Variants in GPR149 observed in about 807,000 individuals in gnomAD.
GPR149 encodes the protein G protein-coupled receptor 149.
A neutral mutation model predicts 50.2 loss-of-function variants in GPR149; 50 were observed. The ratio of observed to expected loss-of-function variants is 1.00; its 90% CI spans 0.79 to 1.26. The LOEUF (loss-of-function observed/expected upper bound fraction) is 1.26. GPR149 is among the 50% of genes most tolerant of loss of function. The probability of loss-of-function intolerance (pLI) is 0.00; values close to 1 mark genes in which losing one functional copy is unlikely to be tolerated. For synonymous variants in GPR149, 405 were observed against 358.2 expected (o/e 1.13, Z -1.48); for missense variants, 983 against 895.4 (o/e 1.10, Z -1.25).
intron 3 of GPR149, among the ~76,000 whole-genome samples, chr3:154,417,459 C>T (rs1183352811): frequency 6.6e-6 from 1 of 151,908 alleles, no homozygotes; most frequent in East Asian, 1.9e-4. Context: ...TTAACATAAA[C>T]TTTAATTAAA....
At chr3:154,384,106 A>G (rs1401078184) in intron 3 of GPR149, among the ~76,000 whole-genome samples, 4 of 152,194 alleles carry the variant, frequency 2.6e-5, no homozygotes, top group African/African-American at 7.2e-5. Context: ...AAATTTACAT[A>G]CAAGATACTG....
Position 154,428,951 on chromosome 3 carries a change from G to A in GPR149, c.665C>T (p.Pro222Leu). The A allele has an allele frequency of 8.1e-6, 13 of 1,613,916 alleles. 1 individual carries two copies. In the South Asian group the frequency reaches 1.4e-4, roughly 18 times the overall value. ...CTGGTAGTTGGAGTGGAGTCTCGGC[G>A]GCTCCTCCGAACACAGCAATCGGTG... is the stretch of plus-strand genomic sequence containing the variant. ...LTHRLLCSEEPPRLHSNYQEI... is the reference protein window; with the variant it reads ...LTHRLLCSEELPRLHSNYQEI... Residue 222 changes from proline (P) to leucine (L), a missense_variant, in exon 1 of 4, where the codon CCG becomes CTG. Physicochemically the swap from Pro to Leu is moderately conservative, Grantham distance 98. Coordinates refer to ENST00000389740, the MANE Select transcript of GPR149 (RefSeq NM_001038705.3).
intron 3 of GPR149, among the ~76,000 whole-genome samples, chr3:154,411,557 G>A (rs569149808): frequency 3.3e-5 from 5 of 152,074 alleles, no homozygotes; most frequent in African/African-American, 1.2e-4. Context: ...ATTATTCAAG[G>A]CTACTGTGAA....
rs1035549641 is a variant in GPR149, at chr3:154,429,105, C to G, written c.511G>C (p.Gly171Arg). 4.8e-5 allele frequency: 77 copies of G among 1,613,554 alleles called. No homozygotes were observed. Among genetic ancestry groups the G allele is most frequent in the Non-Finnish European group, 6.2e-5 (73 of 1,179,936 alleles). The change falls in exon 1 of 4, where the codon GGC (glycine) becomes CGC (arginine). Residue 171 changes from glycine (G) to arginine (R), a missense_variant. Gly to Arg is a moderately radical substitution (Grantham distance 125). Transcript: ENST00000389740. Reference sequence around the variant, plus strand: ...GGCGTGCGCACGAAGGCGCCCCAGCCGCACAGCGGGAGCGCCGAGAGCAGC... The same window carrying G: ...GGCGTGCGCACGAAGGCGCCCCAGCGGCACAGCGGGAGCGCCGAGAGCAGC... ...SLLLSALPLC[G>R]WGAFVRTPWG...
At chr3:154,422,483 C>T (rs1259260879) in intron 2 of GPR149, among the ~76,000 whole-genome samples, 2 of 151,588 alleles carry the variant, frequency 1.3e-5, no homozygotes, top group African/African-American at 2.4e-5. Context: ...GTGTTTTATA[C>T]TGAGACATTT....
At chr3:154,382,794 A>G (rs1007776287) in intron 3 of GPR149, among the ~76,000 whole-genome samples, 25 of 152,198 alleles carry the variant, frequency 1.6e-4, no homozygotes, top group Admixed American at 1.6e-3. Context: ...AATTTAATAT[A>G]CTCAAATTAA....
At chr3:154,345,506 G>A (rs541512012) in intron 3 of GPR149, among the ~76,000 whole-genome samples, 1 of 152,054 alleles carries the variant, frequency 6.6e-6, no homozygotes, top group Non-Finnish European at 1.5e-5. Flanking sequence ...ATCCATTATT[G>A]CTATATTCTT....
At chr3:154,390,852 G>A (rs547196004) in intron 3 of GPR149, among the ~76,000 whole-genome samples, 1 of 152,062 alleles carries the variant, frequency 6.6e-6, no homozygotes, top group African/African-American at 2.4e-5. Flanking sequence ...GGAAATCTCC[G>A]TGGGGTTATC....
intron 3 of GPR149, among the ~76,000 whole-genome samples, chr3:154,351,399 G>A (rs1042085897): frequency 8.7e-5 from 12 of 137,774 alleles, no homozygotes; most frequent in African/African-American, 2.7e-4. Flanking sequence ...AAAATGAATT[G>A]TAAACTTAAA....
chr3:154,368,058 G>T (rs952534570), intron 3 of GPR149, among the ~76,000 whole-genome samples: 2 of 152,192 alleles, frequency 1.3e-5, no homozygotes, highest in African/African-American at 2.4e-5. Context: ...TTTGGACCCA[G>T]TTCCTACTCT....
intron 3 of GPR149, among the ~76,000 whole-genome samples, chr3:154,397,143 T>C (rs548029557): frequency 5.3e-4 from 81 of 152,152 alleles, no homozygotes; most frequent in African/African-American, 1.4e-3. Context: ...TTGGGGAAAG[T>C]TGAGAGTCAA....
At chr3:154,374,169 CTT>C (rs3069044) in intron 3 of GPR149, among the ~76,000 whole-genome samples, 6 of 103,172 alleles carry the variant, frequency 5.8e-5, no homozygotes, top group African/African-American at 2.3e-4. Context: ...CTTTTCTTTT[CTT>C]TTTTTTTTTT....
chr3:154,374,487 T>C (rs1714747303), intron 3 of GPR149, among the ~76,000 whole-genome samples: 1 of 152,092 alleles, frequency 6.6e-6, no homozygotes, highest in Non-Finnish European at 1.5e-5. Flanking sequence ...AGTCCTAATA[T>C]TCCCCAAGGG....
At chr3:154,392,780 A>G (rs989365639) in intron 3 of GPR149, among the ~76,000 whole-genome samples, 7 of 151,890 alleles carry the variant, frequency 4.6e-5, no homozygotes. Context: ...TAATAAAAAG[A>G]TTGTAAAAAA....
chr3:154,376,176 A>C (rs1355755353), intron 3 of GPR149, among the ~76,000 whole-genome samples: 1 of 152,082 alleles, frequency 6.6e-6, no homozygotes, highest in Admixed American at 6.6e-5. Flanking sequence ...AACCCTAGTT[A>C]ATACAAAATG....
chr3:154,337,983 T>C lies in GPR149; in HGVS notation c.1912A>G (p.Ser638Gly). Residue 638 changes from serine to glycine, a missense_variant, in exon 4 of 4, where the codon AGT becomes GGT. Ser to Gly is a moderately conservative substitution (Grantham distance 56). Coordinates refer to ENST00000389740, the MANE Select transcript of GPR149 (RefSeq NM_001038705.3). The part of the protein sequence containing the change: ...EEALDTVSII[S>G]NISQSSTQVR... ...TGTGTGGAGGACTGACTGATGTTACTAATGATTGACACAGTGTCCAAGGCC... is the reference window on the plus strand; with the variant it reads ...TGTGTGGAGGACTGACTGATGTTACCAATGATTGACACAGTGTCCAAGGCC... 1 of 1,614,196 alleles carries C rather than the reference T, an allele frequency of 6.2e-7. No individual in the cohort carries two copies. The highest frequency in any genetic ancestry group is 1.1e-5 in the South Asian group (1 of 91,082).
chr3:154,376,906 A>G (rs899822331), intron 3 of GPR149, among the ~76,000 whole-genome samples: 1 of 152,172 alleles, frequency 6.6e-6, no homozygotes, highest in African/African-American at 2.4e-5. Flanking sequence ...AGATAACAAT[A>G]ATGACCACTT....
At chr3:154,406,542 A>G (rs1014023469) in intron 3 of GPR149, among the ~76,000 whole-genome samples, 3 of 152,220 alleles carry the variant, frequency 2.0e-5, no homozygotes, top group Non-Finnish European at 4.4e-5. Flanking sequence ...ACTATGGTAT[A>G]TTCACACTGG....
intron 3 of GPR149, among the ~76,000 whole-genome samples, chr3:154,351,753 T>G (rs1714086691): frequency 6.6e-6 from 1 of 152,134 alleles, no homozygotes; most frequent in Admixed American, 6.6e-5. Flanking sequence ...ACAAATAAAT[T>G]TTGTTATTTT....
Sources: allele counts gnomAD v4.1 joint callset (sites outside exome capture counted in the v4.1 genomes callset), GRCh38; gene constraint gnomAD v4.1.1; transcripts MANE v1.5; gene names NCBI Gene and HGNC (gene_info 2026-07-23, HGNC 2026-07-21).